BRAF: variants seen among roughly 807,000 people sequenced by gnomAD.
The protein encoded by BRAF is B-Raf proto-oncogene, serine/threonine kinase, also known as serine/threonine-protein kinase B-raf.
BRAF carries 16 observed loss-of-function variants against 104.6 expected under a neutral mutation model. The observed-to-expected ratio is 0.15, with a 90% CI of 0.10 to 0.23. The LOEUF is 0.23. Among genes scored for constraint, BRAF ranks in the 10% least tolerant of loss-of-function variants. The pLI, the probability that BRAF is intolerant of heterozygous loss-of-function variation, is 1.00. For missense variants in BRAF, 541 were observed against 937.3 expected (o/e 0.58, Z 5.52); for synonymous variants, 310 against 341.6 (o/e 0.91, Z 1.02).
intron 7 of BRAF, among the ~76,000 whole-genome samples, chr7:140,796,867 G>A (rs138245861): frequency 5.0e-4 from 76 of 152,236 alleles, no homozygotes; most frequent in African/African-American, 1.8e-3. Context: ...GAGTGGTGGC[G>A]CACACAACAC....
At chr7:140,875,809 G>GA (rs1049052521) in intron 1 of BRAF, among the ~76,000 whole-genome samples, 6 of 152,076 alleles carry the variant, frequency 3.9e-5, no homozygotes, top group African/African-American at 1.2e-4. Context: ...TGCTGAAAGA[G>GA]AAAAAAACTA....
intron 3 of BRAF, chr7:140,823,891 T>C (rs1805736562): frequency 6.6e-6 from 1 of 152,228 alleles, no homozygotes. Context: ...GTGGTTTTGA[T>C]TTGCATGTTC....
At chr7:140,766,872 T>C (rs1331195565) in intron 14 of BRAF, among the ~76,000 whole-genome samples, 1 of 152,144 alleles carries the variant, frequency 6.6e-6, no homozygotes, top group Non-Finnish European at 1.5e-5. Flanking sequence ...TTACTTTAGT[T>C]TTCTGAGACA....
chr7:140,850,175 T>C lies in BRAF; in HGVS notation c.176A>G (p.Glu59Gly). ...TTTGTCCAATAGGGCCTCTATATGT[T>C]CCTGTGTCAACTTAATCATTTGTTT... Reference protein sequence around the residue: ...NIKQMIKLTQEHIEALLDKFG... With the variant: ...NIKQMIKLTQGHIEALLDKFG... The change falls in exon 2 of 20, where the codon GAA becomes GGA. Residue 59 changes from glutamate to glycine, a missense_variant. Transcript: ENST00000644969. 6.2e-7 allele frequency: 1 copy of C among 1,611,928 alleles called. No homozygotes were observed. The highest frequency in any genetic ancestry group is 8.5e-7 in the Non-Finnish European group (1 of 1,178,968).
intron 8 of BRAF, among the ~76,000 whole-genome samples, chr7:140,792,628 A>G (rs1220517728): frequency 6.6e-6 from 1 of 152,226 alleles, no homozygotes; most frequent in Non-Finnish European, 1.5e-5. Context: ...AGATCCAACC[A>G]GATGGAGTTT....
At chr7:140,787,720 A>C in intron 8 of BRAF, 136 bp from the exon 9 acceptor site, 1 of 741,112 alleles carries the variant, frequency 1.3e-6, no homozygotes, top group Non-Finnish European at 2.2e-6. Flanking sequence ...TATTACACAA[A>C]ACAATTTGGA....
chr7:140,859,305 T>C (rs576703904), intron 1 of BRAF, among the ~76,000 whole-genome samples: 79 of 152,302 alleles, frequency 5.2e-4, no homozygotes, highest in South Asian at 2.7e-3. Context: ...AGAGTACTGA[T>C]GGCTTTCCCT....
chr7:140,769,673 GTCT>G (rs1444678195), intron 14 of BRAF, among the ~76,000 whole-genome samples: 1 of 152,080 alleles, frequency 6.6e-6, no homozygotes, highest in African/African-American at 2.4e-5. Flanking sequence ...TATTTATCAA[GTCT>G]TCTCCTGATG....
intron 3 of BRAF, among the ~76,000 whole-genome samples, chr7:140,817,039 G>C (rs1407996185): frequency 1.3e-5 from 2 of 151,810 alleles, no homozygotes; most frequent in African/African-American, 4.8e-5. Flanking sequence ...TGGATAATAT[G>C]ATCTTATATT....
chr7:140,786,208 T>C (rs547493196), intron 9 of BRAF, among the ~76,000 whole-genome samples: 31 of 152,356 alleles, frequency 2.0e-4, no homozygotes, highest in Non-Finnish European at 4.0e-4. Context: ...TGTGTAACTA[T>C]GTGCTAACAT....
chr7:140,888,792 G>A (rs1230732716), intron 1 of BRAF, among the ~76,000 whole-genome samples: 10 of 151,568 alleles, frequency 6.6e-5, no homozygotes, highest in Admixed American at 4.6e-4. Flanking sequence ...CCGAGATTGC[G>A]CCATTGCACT....
Position 140,724,218 on chromosome 7 carries a change from G to A in BRAF, c.*2276C>T, listed in dbSNP as rs916368386. The stretch of plus-strand genomic sequence containing the variant: ...GGTACCGCCCCTGCCCCTGCCCCAC[G>A]GAGGCAGTCCCGGACCCAGGCTGCA... On this transcript the variant is annotated 3_prime_UTR_variant, in exon 20 of 20. Transcript: ENST00000644969. The A allele has an allele frequency of 1.1e-5, 12 of 1,058,242 alleles. No homozygotes were observed. In the East Asian group the frequency reaches 3.6e-4, roughly 32 times the overall value. The allele number at this position is 1,058,242 out of a possible 1,614,324, so 65.6% of individuals were successfully genotyped here. A position where few individuals can be genotyped will look rare whatever the true frequency, so the allele number is the denominator to read the frequency against.
intron 14 of BRAF, among the ~76,000 whole-genome samples, chr7:140,757,476 G>A (rs1394577959): frequency 6.6e-6 from 1 of 152,082 alleles, no homozygotes; most frequent in Non-Finnish European, 1.5e-5. Context: ...TTTTAGTAGA[G>A]ATGGGGTTTC....
At chr7:140,921,895 T>C (rs918908493) in intron 1 of BRAF, among the ~76,000 whole-genome samples, 3 of 152,088 alleles carry the variant, frequency 2.0e-5, no homozygotes, top group Non-Finnish European at 2.9e-5. Flanking sequence ...ATTCTTTCCA[T>C]GTAATTTGCA....
chr7:140,714,923 A>G (rs2968547), downstream of BRAF, among the ~76,000 whole-genome samples: 237 of 152,264 alleles, frequency 1.6e-3, no homozygotes, highest in South Asian at 4.6e-3. Context: ...GCGAGGGTGA[A>G]GAGTGTTCTG....
intron 1 of BRAF, among the ~76,000 whole-genome samples, chr7:140,893,170 G>A (rs1814462252): frequency 6.6e-6 from 1 of 151,998 alleles, no homozygotes; most frequent in Admixed American, 6.6e-5. Context: ...CAGATTTGGT[G>A]AACGAGCTTT....
chr7:140,763,534 T>C (rs1007443379), intron 14 of BRAF, among the ~76,000 whole-genome samples: 5 of 152,166 alleles, frequency 3.3e-5, no homozygotes, highest in African/African-American at 1.2e-4. Context: ...ATCAACAAAA[T>C]TGATAGACCA....
intron 14 of BRAF, among the ~76,000 whole-genome samples, chr7:140,768,456 G>C (rs1292785471): frequency 2.0e-5 from 3 of 152,092 alleles, no homozygotes; most frequent in Non-Finnish European, 4.4e-5. Context: ...ATTTGGGTCT[G>C]GGTCATGAGG....
intron 14 of BRAF, among the ~76,000 whole-genome samples, chr7:140,771,551 T>C (rs1223416406): frequency 6.6e-6 from 1 of 152,186 alleles, no homozygotes; most frequent in Non-Finnish European, 1.5e-5. Flanking sequence ...CTTAGCACTT[T>C]ATAAAATGAA....
Sources: allele counts gnomAD v4.1 joint callset (sites outside exome capture counted in the v4.1 genomes callset), GRCh38; gene constraint gnomAD v4.1.1; transcripts MANE v1.5; gene names NCBI Gene and HGNC (gene_info 2026-07-23, HGNC 2026-07-21).